The following ARB2A variants were observed in gnomAD, a reference collection of about 807,000 sequenced individuals.
The protein encoded by ARB2A is ARB2 cotranscriptional regulator A, also known as cotranscriptional regulator ARB2A.
chr5:94,035,574 T>A, the ARB2A span, among the ~76,000 whole-genome samples: 4 of 152,140 alleles, frequency 2.6e-5, no homozygotes, highest in African/African-American at 9.7e-5. Context: ...TGAGGATATA[T>A]CCAGCAAAGT....
the ARB2A span, among the ~76,000 whole-genome samples, chr5:94,070,306 T>A: frequency 2.6e-5 from 4 of 152,178 alleles, no homozygotes; most frequent in African/African-American, 9.6e-5. Context: ...GGGAGTAGAA[T>A]GATAGCTATC....
At chr5:94,054,124 G>A in the ARB2A span, among the ~76,000 whole-genome samples, 1 of 152,136 alleles carries the variant, frequency 6.6e-6, no homozygotes, top group African/African-American at 2.4e-5. Flanking sequence ...CGAAGAGTGT[G>A]TTATACCCTT....
At chr5:94,107,298 T>C in the ARB2A span, among the ~76,000 whole-genome samples, 10 of 133,294 alleles carry the variant, frequency 7.5e-5, no homozygotes, top group Non-Finnish European at 1.6e-4. Flanking sequence ...TGTCTCTAAT[T>C]TCTCTGTAAC....
the ARB2A span, among the ~76,000 whole-genome samples, chr5:94,028,924 A>G: frequency 6.6e-6 from 1 of 152,120 alleles, no homozygotes; most frequent in Admixed American, 6.6e-5. Flanking sequence ...CCCTAAAAGT[A>G]TAGGTATTTT....
At chr5:93,984,458 G>A in the ARB2A span, among the ~76,000 whole-genome samples, 3 of 152,170 alleles carry the variant, frequency 2.0e-5, no homozygotes, top group Admixed American at 1.3e-4. Context: ...CTATACTTAC[G>A]GATATTTTCA....
At chr5:93,635,585 G>A in the ARB2A span, among the ~76,000 whole-genome samples, 17 of 151,454 alleles carry the variant, frequency 1.1e-4, no homozygotes, top group African/African-American at 3.6e-4. Flanking sequence ...GAGTACGGGC[G>A]TGTACCACCA....
At chr5:93,808,298 A>G in the ARB2A span, among the ~76,000 whole-genome samples, 1 of 151,960 alleles carries the variant, frequency 6.6e-6, no homozygotes, top group Non-Finnish European at 1.5e-5. Flanking sequence ...AGACTGTGCA[A>G]ATAAAATTCT....
At chr5:93,816,463 C>T in the ARB2A span, among the ~76,000 whole-genome samples, 1 of 151,992 alleles carries the variant, frequency 6.6e-6, no homozygotes, top group African/African-American at 2.4e-5. Context: ...CCTTTGAGTT[C>T]CCCTTAACTT....
At chr5:93,885,121 CTAAA>C in the ARB2A span, among the ~76,000 whole-genome samples, 1 of 151,544 alleles carries the variant, frequency 6.6e-6, no homozygotes, top group Non-Finnish European at 1.5e-5. Flanking sequence ...AAAAATCAGA[CTAAA>C]TACCATTTAA....
the ARB2A span, among the ~76,000 whole-genome samples, chr5:93,621,656 G>A: frequency 6.6e-6 from 1 of 152,242 alleles, no homozygotes; most frequent in Non-Finnish European, 1.5e-5. Flanking sequence ...GCTTCCCAAG[G>A]GGGTGGTGTG....
chr5:93,621,657 G>T, the ARB2A span, among the ~76,000 whole-genome samples: 1 of 152,252 alleles, frequency 6.6e-6, no homozygotes, highest in South Asian at 2.1e-4. Context: ...CTTCCCAAGG[G>T]GGTGGTGTGG....
the ARB2A span, among the ~76,000 whole-genome samples, chr5:93,629,807 A>G: frequency 6.6e-6 from 1 of 152,242 alleles, no homozygotes; most frequent in African/African-American, 2.4e-5. Context: ...TGTCTATGAT[A>G]TTTCCAAAAT....
the ARB2A span, chr5:93,784,548 C>T: frequency 7.2e-7 from 1 of 1,388,900 alleles, no homozygotes; most frequent in African/African-American, 1.4e-5. Context: ...GTTTTTCCTA[C>T]TGGGTGCAGC....
the ARB2A span, among the ~76,000 whole-genome samples, chr5:93,878,146 T>TA: frequency 6.6e-6 from 1 of 152,078 alleles, no homozygotes. Context: ...CTGTTTGACT[T>TA]TTTGTTTTGG....
chr5:93,743,660 C>T, the ARB2A span: 5 of 466,960 alleles, frequency 1.1e-5, no homozygotes, highest in Non-Finnish European at 1.4e-5. Flanking sequence ...TGAAAACAGC[C>T]ATTTTCTTTT....
chr5:93,786,872 G>A, the ARB2A span, among the ~76,000 whole-genome samples: 1 of 152,168 alleles, frequency 6.6e-6, no homozygotes, highest in Non-Finnish European at 1.5e-5. Flanking sequence ...GACCTTAGAT[G>A]AAATATAGCC....
At chr5:93,915,875 A>G in the ARB2A span, among the ~76,000 whole-genome samples, 1 of 152,174 alleles carries the variant, frequency 6.6e-6, no homozygotes. Flanking sequence ...TTCCAGAAGA[A>G]AGATTAGGAA....
At chr5:93,830,327 A>G in the ARB2A span, among the ~76,000 whole-genome samples, 8,890 of 131,606 alleles carry the variant, frequency 0.068, 873 homozygotes, top group East Asian at 0.15. Context: ...ATATATATAT[A>G]TATATATATA....
At chr5:94,042,921 T>C in the ARB2A span, among the ~76,000 whole-genome samples, 5 of 152,300 alleles carry the variant, frequency 3.3e-5, no homozygotes, top group South Asian at 6.2e-4. Flanking sequence ...ATATCATCAG[T>C]AATAATTATA....
Sources: gnomAD v4.1 joint callset for allele counts (sites outside exome capture counted in the v4.1 genomes callset) on GRCh38, gnomAD v4.1.1 for gene constraint, MANE v1.5 for transcripts, NCBI Gene and HGNC (gene_info 2026-07-23, HGNC 2026-07-21) for gene names.